COL17A1: variants seen among roughly 807,000 people sequenced by gnomAD.
The protein encoded by COL17A1 is collagen alpha-1(XVII) chain.
COL17A1 carries 181 observed loss-of-function variants against 218.4 expected under a neutral mutation model. The observed-to-expected ratio is 0.83, with a 90% CI of 0.73 to 0.94. The LOEUF (loss-of-function observed/expected upper bound fraction) is 0.94. Among genes scored for constraint, COL17A1 ranks in the 40% least tolerant of loss-of-function variants. The probability of loss-of-function intolerance (pLI) is 0.00; values close to 1 mark genes in which losing one functional copy is unlikely to be tolerated. For missense variants in COL17A1, 1,924 were observed against 1,945.9 expected, an observed-to-expected ratio of 0.99 and a Z score of 0.21; for synonymous variants, 721 against 731.0, an observed-to-expected ratio of 0.99 and a Z score of 0.22.
intron 9 of COL17A1, among the ~76,000 whole-genome samples, chr10:104,070,133 A>G (rs554553653): frequency 1.4e-4 from 21 of 152,320 alleles, no homozygotes; most frequent in African/African-American, 4.8e-4. Flanking sequence ...CAATCAATCT[A>G]ATAATCAACA....
Position 104,043,954 on chromosome 10 carries a change from C to T in COL17A1, c.2399-94G>A, listed in dbSNP as rs1052818470. ...CAAGGCTTCTGATTGCATTTGGGACCCACTTCTGGGCCTCTCACCATCAGG... is the reference window on the plus strand; with the variant it reads ...CAAGGCTTCTGATTGCATTTGGGACTCACTTCTGGGCCTCTCACCATCAGG... On this transcript the variant is annotated intron_variant, in intron 33 of 55. Coordinates refer to ENST00000648076, the MANE Select transcript of COL17A1 (RefSeq NM_000494.4). The T allele has an allele frequency of 2.9e-6, 4 of 1,386,902 alleles. No homozygotes were observed. The East Asian group carries it at 9.1e-5, about 32-fold the overall frequency. The allele number at this position is 1,386,902 out of a possible 1,614,324, so 85.9% of individuals were successfully genotyped here.
At chr10:104,043,628 C>G in intron 34 of COL17A1, 47 bp from the exon 35 acceptor site, 2 of 1,605,008 alleles carry the variant, frequency 1.2e-6, no homozygotes, top group South Asian at 1.1e-5. Context: ...TTTTCTCACT[C>G]AGAGGCGCTG....
chr10:104,051,461 A>T lies in COL17A1; in HGVS notation c.2038+20T>A. On this transcript the variant is annotated intron_variant, in intron 25 of 55. Coordinates refer to ENST00000648076, the MANE Select transcript of COL17A1 (RefSeq NM_000494.4). ...TTTGCCCTGGAAACAGAACCTATTT[A>T]CAAGAAGCAGCAAACTGACCTGGAG... is the stretch of plus-strand genomic sequence containing the variant. 6.2e-7 allele frequency: 1 copy of T among 1,613,998 alleles called. No homozygotes were observed. Among genetic ancestry groups the T allele is most frequent in the Non-Finnish European group, 8.5e-7 (1 of 1,179,974 alleles).
intron 48 of COL17A1, among the ~76,000 whole-genome samples, chr10:104,036,075 G>A (rs1171485630): frequency 1.8e-5 from 1 of 56,796 alleles, no homozygotes; most frequent in East Asian, 6.4e-4. Flanking sequence ...TATGTGTATG[G>A]GAGTGTGTAT....
chr10:104,061,555 T>G, intron 12 of COL17A1, 82 bp from the exon 13 acceptor site: 1 of 1,162,602 alleles, frequency 8.6e-7, no homozygotes, highest in Non-Finnish European at 1.3e-6. Flanking sequence ...GGCAGAGAGG[T>G]ACCCCCGACC....
intron 9 of COL17A1, among the ~76,000 whole-genome samples, chr10:104,067,091 C>G (rs2086632523): frequency 6.6e-6 from 1 of 152,072 alleles, no homozygotes; most frequent in Non-Finnish European, 1.5e-5. Flanking sequence ...CAGCCATGAC[C>G]ATTTGGGAAA....
chr10:104,078,399 G>T, intron 3 of COL17A1, 143 bp downstream of exon 3: 2 of 1,075,094 alleles, frequency 1.9e-6, no homozygotes, highest in Non-Finnish European at 2.8e-6. Flanking sequence ...TCAAACTGGC[G>T]AATTCTGTTG....
Position 104,037,050 on chromosome 10 carries a change from A to C in COL17A1, c.3272T>G (p.Leu1091Arg). 6.2e-7 allele frequency: 1 copy of C among 1,605,666 alleles called. No homozygotes were observed. Among genetic ancestry groups the C allele is most frequent in the Non-Finnish European group, 8.5e-7 (1 of 1,176,988 alleles). ...SISSEDILAV[L>R]QRDDVRQYLR... ...TCCCCCCACAGGTGACTCACGCTGC[A>C]GCACAGCCAGAATGTCTTCAGAAGA... The change falls in exon 47 of 56, where the codon CTG becomes CGG. Residue 1091 changes from leucine (L) to arginine (R), a missense_variant. Leu to Arg is a moderately radical substitution (Grantham distance 102, BLOSUM62 -2). Transcript: ENST00000648076.
At chr10:104,054,714 C>T (rs2086503165) in intron 20 of COL17A1, among the ~76,000 whole-genome samples, 1 of 152,118 alleles carries the variant, frequency 6.6e-6, no homozygotes, top group Admixed American at 6.6e-5. Context: ...CCCCCTGAGT[C>T]AAAGGCTCGG....
intron 36 of COL17A1, 47 bp from the exon 37 acceptor site, chr10:104,041,585 G>C: frequency 6.5e-7 from 1 of 1,528,774 alleles, no homozygotes; most frequent in Non-Finnish European, 9.0e-7. Context: ...TCACGAGGCT[G>C]CTCTCTGCCA....
rs547137414 is a variant in COL17A1 at position 104,054,494 on chromosome 10, G to A, written c.1745-376C>T. ...CTGGGACAATGACCCAGGTATATGC[G>A]AGGGTGTGGGTGGCAAGGATCTGAA... On this transcript the variant is annotated intron_variant, in intron 20 of 55. Coordinates refer to ENST00000648076, the MANE Select transcript of COL17A1 (RefSeq NM_000494.4). Among the ~76,000 whole-genome samples, 12 of 152,234 alleles carry A rather than the reference G, an allele frequency of 7.9e-5. No homozygotes were observed. The East Asian group carries it at 2.3e-3, about 29-fold the overall frequency.
chr10:104,079,017 G>A (rs992214676), intron 2 of COL17A1, among the ~76,000 whole-genome samples: 4 of 152,144 alleles, frequency 2.6e-5, no homozygotes, highest in Admixed American at 6.5e-5. Context: ...ACTTCACTGT[G>A]TACTTCTTCA....
intron 17 of COL17A1, among the ~76,000 whole-genome samples, chr10:104,056,568 C>T (rs964083396): frequency 4.3e-5 from 6 of 140,542 alleles, no homozygotes; most frequent in Admixed American, 2.9e-4. Flanking sequence ...GGCGACAGAA[C>T]GAGACGCCGT....
At chr10:104,035,198 C>T in intron 50 of COL17A1, 65 bp downstream of exon 50, 1 of 1,379,604 alleles carries the variant, frequency 7.2e-7, no homozygotes, top group Non-Finnish European at 1.0e-6. Context: ...TTGCTAAAGC[C>T]CATGGGAGCC....
Position 104,035,506 on chromosome 10 carries a change from G to T in COL17A1, c.3476C>A (p.Thr1159Asn), listed in dbSNP as rs1201314641. ...GPPGPPGLPG[T>N]SYEELLSLLR... The stretch of plus-strand genomic sequence containing the variant: ...CAAGGAGAGGAGCTCCTCATAGGAG[G>T]TTCCCGGCAAGCCAGGGGGCCCCGG... Residue 1159 changes from threonine (T) to asparagine (N), a missense_variant, in exon 49 of 56, where the codon ACC becomes AAC. Transcript: ENST00000648076. 6.2e-7 allele frequency: 1 copy of T among 1,613,854 alleles called. No homozygotes were observed. Among genetic ancestry groups the T allele is most frequent in the Admixed American group, 1.7e-5 (1 of 59,994 alleles).
At chr10:104,058,928 C>T (rs996759203) in intron 15 of COL17A1, among the ~76,000 whole-genome samples, 48 of 94,812 alleles carry the variant, frequency 5.1e-4, no homozygotes, top group African/African-American at 1.3e-3. Flanking sequence ...AGCAAGACTC[C>T]GTCTCAAAAA....
At position 104,059,842 on chromosome 10, in the gene COL17A1, GC is replaced by G. The variant is rs903380105; in HGVS notation, c.1142-125del. 4.5e-6 allele frequency: 5 copies of G among 1,099,974 alleles called. No individual in the cohort carries two copies. In the African/African-American group the frequency reaches 7.7e-5, roughly 17 times the overall value. The allele number at this position is 1,099,974 out of a possible 1,614,324, so 68.1% of individuals were successfully genotyped here. ...GGTCTAGGTTAGACTGGTAAGAAGA[GC>G]CCCTCTTTCCTGGGGTTCATCTCCC... On this transcript the variant is annotated intron_variant, in intron 14 of 55. Coordinates refer to ENST00000648076, the MANE Select transcript of COL17A1 (RefSeq NM_000494.4).
chr10:104,059,518 A>G, intron 15 of COL17A1, 120 bp downstream of exon 15: 1 of 861,476 alleles, frequency 1.2e-6, no homozygotes, highest in Non-Finnish European at 2.0e-6. Flanking sequence ...ACACACTCCC[A>G]GGTGTGGCTG....
In COL17A1 at chr10:104,031,986, G is replaced by A; in HGVS notation, c.*249C>T. On this transcript the variant is annotated 3_prime_UTR_variant, in exon 56 of 56. Transcript: ENST00000648076. ...GAGTTCAGATCTAGATAGCAGAGAAGTAAGTCTCATTCTAAAACATTGCAA... is the reference window on the plus strand; with the variant it reads ...GAGTTCAGATCTAGATAGCAGAGAAATAAGTCTCATTCTAAAACATTGCAA... The A allele has an allele frequency of 1.7e-6, 1 of 585,104 alleles. No homozygotes were observed. The highest frequency in any genetic ancestry group is 3.0e-6 in the Non-Finnish European group (1 of 327,954). The allele number at this position is 585,104 out of a possible 1,614,324, so 36.2% of individuals were successfully genotyped here.
Sources: gnomAD v4.1 joint callset for allele counts (sites outside exome capture counted in the v4.1 genomes callset) on GRCh38, gnomAD v4.1.1 for gene constraint, MANE v1.5 for transcripts, NCBI Gene and HGNC (gene_info 2026-07-23, HGNC 2026-07-21) for gene names.